Variants in SLCO3A1 observed in about 807,000 individuals in gnomAD.
SLCO3A1 encodes the protein PGE1 transporter.
In SLCO3A1, 27 loss-of-function variants were observed where a neutral mutation model predicts 63.1. That is an observed-to-expected ratio of 0.43 (90% CI 0.32 to 0.59). SLCO3A1 has a LOEUF of 0.59. SLCO3A1 is among the 20% of genes least tolerant of loss of function. The pLI is 0.09. For synonymous variants in SLCO3A1, 473 were observed against 409.9 expected (o/e 1.15, Z -1.86); for missense variants, 773 against 945.8 (o/e 0.82, Z 2.40).
rs5814503 is a variant in SLCO3A1 at position 91,882,906 on chromosome 15, CT to C, written c.180+28820del. 1 allele frequency among the ~76,000 whole-genome samples: 152,332 copies of C among 152,332 alleles called. 76,166 individuals carry two copies. Among genetic ancestry groups the C allele is most frequent in the Non-Finnish European group, 1 (68,044 of 68,044 alleles). On this transcript the variant is annotated intron_variant, in intron 1 of 9. Transcript: ENST00000318445. The surrounding 1 kb of genome is among the most constrained non-coding windows in gnomAD (Gnocchi z 4.4). ...AGATTTCCTTGCAATTAGGTATCACCTTGGTGTCCCAAAGAGATGTAATATC... is the reference window on the plus strand; with the variant it reads ...AGATTTCCTTGCAATTAGGTATCACCTGGTGTCCCAAAGAGATGTAATATC...
intron 2 of SLCO3A1, among the ~76,000 whole-genome samples, chr15:91,990,328 A>C (rs1042276360): frequency 9.9e-5 from 15 of 152,198 alleles, no homozygotes; most frequent in African/African-American, 2.9e-4. Context: ...GAGGAGCACC[A>C]GGGCCACTGT....
chr15:91,906,469 G>C (rs1239035518), intron 1 of SLCO3A1, among the ~76,000 whole-genome samples: 2 of 152,200 alleles, frequency 1.3e-5, no homozygotes, highest in Non-Finnish European at 2.9e-5. Flanking sequence ...TGCAATAAAG[G>C]ATTTTCAATG....
intron 3 of SLCO3A1, among the ~76,000 whole-genome samples, chr15:92,102,686 T>C (rs1403032097): frequency 6.6e-6 from 1 of 152,158 alleles, no homozygotes; most frequent in Non-Finnish European, 1.5e-5. Flanking sequence ...TGTCAGCATC[T>C]CCAGGACAGT....
chr15:92,004,888 CAGA>C (rs911094653), intron 2 of SLCO3A1, among the ~76,000 whole-genome samples: 4 of 152,166 alleles, frequency 2.6e-5, no homozygotes, highest in South Asian at 2.1e-4. Context: ...TGGCAGAGAG[CAGA>C]AGAACACTCC....
At chr15:91,959,939 G>T (rs1214217316) in intron 2 of SLCO3A1, among the ~76,000 whole-genome samples, 1 of 151,858 alleles carries the variant, frequency 6.6e-6, no homozygotes, top group Non-Finnish European at 1.5e-5. Context: ...TATTTGATTT[G>T]CCCATTCTTA....
At position 91,955,907 on chromosome 15, in the gene SLCO3A1, G is replaced by T. The variant is rs551205659; in HGVS notation, c.646+39449G>T. ...GTGTGAGTTCATAATGCCTAGACAGGTTCTAAAACCATCCTGGTCCCTGGT... is the reference window on the plus strand; with the variant it reads ...GTGTGAGTTCATAATGCCTAGACAGTTTCTAAAACCATCCTGGTCCCTGGT... On this transcript the variant is annotated intron_variant, in intron 2 of 9. Coordinates refer to ENST00000318445, the MANE Select transcript of SLCO3A1 (RefSeq NM_013272.4). Among the ~76,000 whole-genome samples the T allele has an allele frequency of 5.3e-5, 8 of 152,258 alleles. No individual in the cohort carries two copies. The East Asian group carries it at 1.5e-3, about 29-fold the overall frequency.
At chr15:91,910,332 C>T (rs1898444856) in intron 1 of SLCO3A1, among the ~76,000 whole-genome samples, 1 of 152,232 alleles carries the variant, frequency 6.6e-6, no homozygotes, top group Admixed American at 6.5e-5. Flanking sequence ...CTGTTGCAGG[C>T]TGTACCATTG....
rs79076381 is a variant in SLCO3A1, at chr15:92,147,170, G to T, written c.1688+11G>T. On this transcript the variant is annotated intron_variant, in intron 8 of 9. Coordinates refer to ENST00000318445, the MANE Select transcript of SLCO3A1 (RefSeq NM_013272.4). The stretch of plus-strand genomic sequence containing the variant: ...CATCATCCTCATCAGGTAAGCCCTC[G>T]GCACAGCCCCGCCTCTCCTCCTTTC... 1.2e-5 allele frequency: 19 copies of T among 1,603,208 alleles called. No homozygotes were observed. In the Admixed American group the frequency reaches 1.5e-4, roughly 13 times the overall value.
intron 2 of SLCO3A1, among the ~76,000 whole-genome samples, chr15:92,091,964 T>C (rs1210731959): frequency 6.6e-6 from 1 of 152,204 alleles, no homozygotes; most frequent in Admixed American, 6.5e-5. Flanking sequence ...GGGTGTGGTG[T>C]CTCCACAGCA....
At chr15:92,011,721 G>A (rs187319642) in intron 2 of SLCO3A1, among the ~76,000 whole-genome samples, 3 of 152,370 alleles carry the variant, frequency 2.0e-5, no homozygotes, top group African/African-American at 7.2e-5. Flanking sequence ...TAGGGCAAGG[G>A]CTCAGCTTTG....
intron 2 of SLCO3A1, among the ~76,000 whole-genome samples, chr15:92,011,580 C>T (rs1385127588): frequency 2.0e-5 from 3 of 152,194 alleles, no homozygotes; most frequent in Admixed American, 1.3e-4. Flanking sequence ...CAAGAATCCC[C>T]CACTTCCTTG....
chr15:91,858,479 C>T (rs1344960136), intron 1 of SLCO3A1, among the ~76,000 whole-genome samples: 3 of 151,826 alleles, frequency 2.0e-5, no homozygotes, highest in African/African-American at 7.3e-5. Flanking sequence ...GTGTATTTAT[C>T]TTTGTTTGTG....
chr15:92,039,820 G>A (rs2046775102), intron 2 of SLCO3A1, among the ~76,000 whole-genome samples: 1 of 152,094 alleles, frequency 6.6e-6, no homozygotes, highest in Non-Finnish European at 1.5e-5. Flanking sequence ...CAACCCAAAT[G>A]CCCATCATGA....
intron 2 of SLCO3A1, among the ~76,000 whole-genome samples, chr15:92,046,614 G>C (rs561933374): frequency 3.7e-4 from 57 of 152,182 alleles, no homozygotes; most frequent in African/African-American, 1.4e-3. Context: ...CTGAAGTGCA[G>C]TACAGGCTGC....
At chr15:92,078,558 C>T (rs1362471432) in intron 2 of SLCO3A1, among the ~76,000 whole-genome samples, 1 of 152,222 alleles carries the variant, frequency 6.6e-6, no homozygotes, top group Non-Finnish European at 1.5e-5. Flanking sequence ...GTCTGCCTCA[C>T]ATCTTGGGGC....
At chr15:92,155,503 C>T (rs1334102942) in intron 9 of SLCO3A1, among the ~76,000 whole-genome samples, 2 of 152,074 alleles carry the variant, frequency 1.3e-5, no homozygotes, top group African/African-American at 4.8e-5. Flanking sequence ...TTATACTTGG[C>T]TGAGTAGTTG....
intron 2 of SLCO3A1, among the ~76,000 whole-genome samples, chr15:91,935,541 A>C (rs1435601349): frequency 6.6e-6 from 1 of 152,156 alleles, no homozygotes; most frequent in East Asian, 1.9e-4. Flanking sequence ...TAGGATGGGA[A>C]TTGTTGAGTT....
intron 4 of SLCO3A1, among the ~76,000 whole-genome samples, chr15:92,105,605 G>GA (rs1285572180): frequency 6.6e-6 from 1 of 152,200 alleles, no homozygotes; most frequent in Non-Finnish European, 1.5e-5. Context: ...GGCAGTCTCA[G>GA]AAGCTGCTCG....
rs147592608 is a variant in SLCO3A1 at position 92,084,294 on chromosome 15, G to A, written c.647-10587G>A. ...GAAAATCCTGCTGTTAGAGGCACCA[G>A]TAAGAAGAACAAATAACAGCTGATG... On this transcript the variant is annotated intron_variant, in intron 2 of 9. Transcript: ENST00000318445. Among the ~76,000 whole-genome samples, 217 of 152,360 alleles carry A rather than the reference G, an allele frequency of 1.4e-3. 2 individuals carry two copies. The highest frequency in any genetic ancestry group is 4.9e-3 in the African/African-American group (204 of 41,572).
Sources: allele counts gnomAD v4.1 joint callset (sites outside exome capture counted in the v4.1 genomes callset), GRCh38; gene constraint gnomAD v4.1.1; non-coding constraint Gnocchi (gnomAD v3.1); transcripts MANE v1.5; gene names NCBI Gene and HGNC (gene_info 2026-07-23, HGNC 2026-07-21).